Variants in EHF observed in about 807,000 individuals in gnomAD.
EHF encodes the protein ESE3 transcription factor.
EHF carries 14 observed loss-of-function variants against 45.1 expected under a neutral mutation model. That is an observed-to-expected ratio of 0.31 (90% CI 0.21 to 0.49). The LOEUF is 0.49. EHF is among the 20% of genes least tolerant of loss of function. The pLI is 0.99. For synonymous variants in EHF, 136 were observed against 131.8 expected (o/e 1.03, Z -0.22); for missense variants, 282 against 371.4 (o/e 0.76, Z 1.98).
Position 34,662,952 on chromosome 11 carries a change from A to T in EHF, c.*4021A>T, listed in dbSNP as rs1361710017. ...ATTCAGTTTCTGGAACTAGAGATAG[A>T]GCATTTATTAAAAAAAACTCCTGTT... On this transcript the variant is annotated 3_prime_UTR_variant, in exon 9 of 9. Transcript: ENST00000257831. Among the ~76,000 whole-genome samples, 2 of 152,136 alleles carry T rather than the reference A, an allele frequency of 1.3e-5. No homozygotes were observed. Among genetic ancestry groups the T allele is most frequent in the African/African-American group, 4.8e-5 (2 of 41,434 alleles).
intron 2 of EHF, among the ~76,000 whole-genome samples, chr11:34,645,073 G>A (rs569797957): frequency 6.6e-6 from 1 of 152,072 alleles, no homozygotes; most frequent in Non-Finnish European, 1.5e-5. Flanking sequence ...TTTGCCCCTT[G>A]CCCCTTTCAC....
intron 1 of EHF, among the ~76,000 whole-genome samples, chr11:34,625,322 T>G (rs1432256821): frequency 1.3e-5 from 2 of 152,184 alleles, no homozygotes; most frequent in Non-Finnish European, 2.9e-5. Flanking sequence ...AACAGACTGT[T>G]TTGTGATGGC....
intron 1 of EHF, among the ~76,000 whole-genome samples, chr11:34,630,598 C>T (rs2134004010): frequency 6.6e-6 from 1 of 152,140 alleles, no homozygotes; most frequent in Non-Finnish European, 1.5e-5. Flanking sequence ...ATCCATTGTC[C>T]TAGTTCATCC....
chr11:34,621,489 C>T (rs187396163), intron 1 of EHF, among the ~76,000 whole-genome samples: 25 of 152,280 alleles, frequency 1.6e-4, no homozygotes, highest in Admixed American at 1.2e-3. Context: ...TTAAAAGCCC[C>T]CTCGTTTCCC....
chr11:34,651,444 C>A, intron 4 of EHF, 98 bp from the exon 5 acceptor site: 1 of 947,098 alleles, frequency 1.1e-6, no homozygotes, highest in Non-Finnish European at 1.7e-6. Context: ...CACTCCTCAC[C>A]CCCCATACTT....
chr11:34,623,961 C>G (rs1346615681), intron 1 of EHF, among the ~76,000 whole-genome samples: 1 of 152,166 alleles, frequency 6.6e-6, no homozygotes, highest in African/African-American at 2.4e-5. Context: ...ATGGAGTCAT[C>G]TCTATGCCCT....
chr11:34,638,222 G>A (rs1565030329), intron 1 of EHF, among the ~76,000 whole-genome samples: 1 of 152,166 alleles, frequency 6.6e-6, no homozygotes, highest in East Asian at 1.9e-4. Context: ...CTTTGAGTTT[G>A]AAATAAGAGG....
At chr11:34,627,145 G>A (rs1852450103) in intron 1 of EHF, among the ~76,000 whole-genome samples, 1 of 129,680 alleles carries the variant, frequency 7.7e-6, no homozygotes, top group Non-Finnish European at 1.7e-5. Context: ...TGTGTGTGTG[G>A]CGATCAACAT....
intron 1 of EHF, among the ~76,000 whole-genome samples, chr11:34,636,858 A>T (rs1319150371): frequency 7.2e-5 from 11 of 152,036 alleles, no homozygotes; most frequent in Admixed American, 3.9e-4. Context: ...GGAGAAACCC[A>T]GTCTCTACTA....
chr11:34,635,654 C>T (rs759130378), intron 1 of EHF, among the ~76,000 whole-genome samples: 1 of 150,812 alleles, frequency 6.6e-6, no homozygotes, highest in Non-Finnish European at 1.5e-5. Context: ...AACCTTTAGC[C>T]GTTCTCTATC....
intron 1 of EHF, among the ~76,000 whole-genome samples, chr11:34,630,682 ATT>A (rs386373562): frequency 4.2e-5 from 1 of 23,872 alleles, no homozygotes; most frequent in East Asian, 1.2e-3. Flanking sequence ...AGTTGGTCTT[ATT>A]TATCAGTCAA....
In EHF at chr11:34,659,072, A is replaced by G; in HGVS notation, c.*141A>G. On this transcript the variant is annotated 3_prime_UTR_variant, in exon 9 of 9. Transcript: ENST00000257831. ...GGAACAAGAAACTACTTCTAACGGGAAGAAGAAACACTACGGTCGATTAAA... is the reference window on the plus strand; with the variant it reads ...GGAACAAGAAACTACTTCTAACGGGGAGAAGAAACACTACGGTCGATTAAA... The G allele has an allele frequency of 3.1e-6, 2 of 639,438 alleles. No homozygotes were observed. The allele number at this position is 639,438 out of a possible 1,614,324, so 39.6% of individuals were successfully genotyped here.
chr11:34,640,125 A>G (rs1210960667), intron 1 of EHF, among the ~76,000 whole-genome samples: 1 of 152,098 alleles, frequency 6.6e-6, no homozygotes, highest in Non-Finnish European at 1.5e-5. Flanking sequence ...CAGGTACAGA[A>G]AGTGAGGAAC....
At chr11:34,634,528 G>A (rs1853207667) in intron 1 of EHF, among the ~76,000 whole-genome samples, 1 of 152,152 alleles carries the variant, frequency 6.6e-6, no homozygotes, top group East Asian at 1.9e-4. Flanking sequence ...AGGGAATGCA[G>A]GTGCAAGCCC....
intron 1 of EHF, among the ~76,000 whole-genome samples, chr11:34,632,037 C>T (rs1166477330): frequency 6.6e-6 from 1 of 152,200 alleles, no homozygotes; most frequent in Non-Finnish European, 1.5e-5. Context: ...TGCCATCTCC[C>T]TCTGGCCTAT....
intron 7 of EHF, 147 bp from the exon 8 acceptor site, chr11:34,658,386 C>G: frequency 4.7e-6 from 3 of 638,450 alleles, no homozygotes; most frequent in Non-Finnish European, 8.2e-6. Context: ...TGTCCAACAT[C>G]TGGTGATTCT....
intron 6 of EHF, among the ~76,000 whole-genome samples, chr11:34,653,954 G>A (rs757052764): frequency 1.4e-4 from 21 of 152,108 alleles, no homozygotes; most frequent in Admixed American, 1.3e-4. Flanking sequence ...TAAAATGCCC[G>A]CTGCCGGTGT....
Position 34,658,529 on chromosome 11 carries a change from T to C in EHF, c.608-4T>C. 6.2e-7 allele frequency: 1 copy of C among 1,609,786 alleles called. No individual in the cohort carries two copies. The highest frequency in any genetic ancestry group is 8.5e-7 in the Non-Finnish European group (1 of 1,177,380). ...TAGTAACCTGCCTTTCTGCTTTTCATCAGACCCGAGAGGGACTCACTTATG... is the reference window on the plus strand; with the variant it reads ...TAGTAACCTGCCTTTCTGCTTTTCACCAGACCCGAGAGGGACTCACTTATG... On this transcript the variant is annotated splice_region_variant and splice_polypyrimidine_tract_variant and intron_variant, in intron 7 of 8. Transcript: ENST00000257831.
rs1427094497 is a variant in EHF, at chr11:34,651,542, A to C, written c.407A>C (p.Glu136Ala). ...TATTCTCCTTCTCTATTTTTTGTAG[A>C]GCCTTCCATCATGAACACCTGGAAA... Reference protein sequence around the residue: ...HNVIVKTEQTEPSIMNTWKDE... With the variant: ...HNVIVKTEQTAPSIMNTWKDE... Residue 136 changes from glutamate (E) to alanine (A), a missense_variant and splice_region_variant, in exon 5 of 9, where the codon GAG (glutamate) becomes GCG (alanine). This residue lies in a region of EHF where 213 missense variants were observed against 247.3 expected (regional missense o/e 0.86). Transcript: ENST00000257831. 3 of 1,613,020 alleles carry C rather than the reference A, an allele frequency of 1.9e-6. No homozygotes were observed. The South Asian group carries it at 3.3e-5, about 18-fold the overall frequency.
Sources: gnomAD v4.1 joint callset for allele counts (sites outside exome capture counted in the v4.1 genomes callset) on GRCh38, gnomAD v4.1.1 for gene constraint, gnomAD v4.1.1 regional missense constraint, MANE v1.5 for transcripts, NCBI Gene and HGNC (gene_info 2026-07-23, HGNC 2026-07-21) for gene names.